MTA1: variants seen among roughly 807,000 people sequenced by gnomAD.
MTA1 encodes the protein metastasis associated 1.
In MTA1, 15 loss-of-function variants were observed where a neutral mutation model predicts 97.0. The ratio of observed to expected loss-of-function variants is 0.15; its 90% CI spans 0.10 to 0.24. MTA1 has a LOEUF of 0.24. MTA1 is among the 10% of genes least tolerant of loss of function. The pLI, the probability that MTA1 is intolerant of heterozygous loss-of-function variation, is 1.00. For synonymous variants in MTA1, 435 were observed against 417.5 expected (o/e 1.04, Z -0.51); for missense variants, 709 against 1,015.1 (o/e 0.70, Z 4.10).
chr14:105,440,315 C>T (rs587735394), intron 2 of MTA1, among the ~76,000 whole-genome samples: 38 of 152,364 alleles, frequency 2.5e-4, no homozygotes, highest in Admixed American at 3.3e-4. Flanking sequence ...CCTCAGCTGA[C>T]GCTGAACCAT....
In MTA1 at chr14:105,463,856, C is replaced by T; in HGVS notation, c.1077-176C>T. 1 of 701,864 alleles carries T rather than the reference C, an allele frequency of 1.4e-6. No homozygotes were observed. Among genetic ancestry groups the T allele is most frequent in the Admixed American group, 2.6e-5 (1 of 38,756 alleles). 43.5% of individuals were successfully genotyped at this position (701,864 alleles called of 1,614,324 possible). On this transcript the variant is annotated intron_variant, in intron 12 of 20. Coordinates refer to ENST00000331320, the MANE Select transcript of MTA1 (RefSeq NM_004689.4). The surrounding 1 kb of genome is among the most constrained non-coding windows in gnomAD (Gnocchi z 5.9). ...ACGGGGGCCTGGAGAACGGCTCAGA[C>T]CTCAGCAGTGGCTCCCAGGAACTGA... is the stretch of plus-strand genomic sequence containing the variant.
At chr14:105,458,833 G>A (rs1218576753) in intron 8 of MTA1, among the ~76,000 whole-genome samples, 1 of 152,210 alleles carries the variant, frequency 6.6e-6, no homozygotes, top group Non-Finnish European at 1.5e-5. Context: ...CAAGGCGGCT[G>A]CCAATCTATC....
At chr14:105,466,374 C>G (rs1220045081) in intron 16 of MTA1, 52 bp from the exon 17 acceptor site, 49 of 1,538,488 alleles carry the variant, frequency 3.2e-5, no homozygotes, top group Non-Finnish European at 4.2e-5. Flanking sequence ...GCCTGCCTGC[C>G]CCTCCCCTGC....
Position 105,466,488 on chromosome 14 carries a change from C to T in MTA1, c.1687C>T (p.Leu563=). The part of the protein sequence containing the change: ...VKSVSSVLSS[L]TPAKVAPVIN... ...AAGCGTGTCCAGCGTGCTCAGCAGCCTGACGCCCGCCAAGGTGGCCCCCGT... is the reference window on the plus strand; with the variant it reads ...AAGCGTGTCCAGCGTGCTCAGCAGCTTGACGCCCGCCAAGGTGGCCCCCGT... The change falls in exon 17 of 21, where the codon CTG becomes TTG. Residue 563 remains leucine, a synonymous_variant. Transcript: ENST00000331320. 2 of 1,600,596 alleles carry T rather than the reference C, an allele frequency of 1.2e-6. No individual in the cohort carries two copies. Among genetic ancestry groups the T allele is most frequent in the Non-Finnish European group, 1.7e-6 (2 of 1,174,410 alleles).
intron 15 of MTA1, 95 bp from the exon 16 acceptor site, chr14:105,464,999 G>A: frequency 2.8e-6 from 4 of 1,423,636 alleles, no homozygotes; most frequent in South Asian, 1.4e-5. Context: ...TGCTGACATG[G>A]CCGAGCCCAG....
intron 1 of MTA1, among the ~76,000 whole-genome samples, chr14:105,426,777 G>A (rs370767427): frequency 6.6e-5 from 10 of 152,234 alleles, no homozygotes; most frequent in South Asian, 2.1e-4. Context: ...TGGGCCGGGC[G>A]CGAGGCTTGC....
chr14:105,438,583 C>A, intron 1 of MTA1, 89 bp from the exon 2 acceptor site: 1 of 1,171,314 alleles, frequency 8.5e-7, no homozygotes, highest in Non-Finnish European at 1.3e-6. Context: ...CACTGCCCCG[C>A]CTGAGCCCCG....
chr14:105,442,638 C>T (rs587667434), intron 2 of MTA1, among the ~76,000 whole-genome samples: 30 of 152,242 alleles, frequency 2.0e-4, no homozygotes, highest in Admixed American at 3.3e-4. Flanking sequence ...TGTGCAGGAG[C>T]GTCTCAGAAC....
At chr14:105,444,920 T>C (rs782793464) in intron 2 of MTA1, among the ~76,000 whole-genome samples, 6 of 152,246 alleles carry the variant, frequency 3.9e-5, no homozygotes, top group Non-Finnish European at 7.3e-5. Context: ...CGTGCTTCTC[T>C]GGTGGCGTTT....
At chr14:105,465,215 A>T in intron 16 of MTA1, 32 bp downstream of exon 16, 1 of 1,479,920 alleles carries the variant, frequency 6.8e-7, no homozygotes, top group Non-Finnish European at 9.0e-7. Flanking sequence ...GGGGCTCCCA[A>T]TGCTGCCTGC....
rs782818735 is a variant in MTA1, at chr14:105,469,878, A to T, written c.1883A>T (p.Tyr628Phe). The T allele has an allele frequency of 3.1e-6, 5 of 1,610,368 alleles. No individual in the cohort carries two copies. The Admixed American group carries it at 6.7e-5, about 22-fold the overall frequency. Residue 628 changes from tyrosine (Y) to phenylalanine (F), a missense_variant, in exon 20 of 21, where the codon TAC becomes TTC. Transcript: ENST00000331320. Reference sequence around the variant, plus strand: ...AACCTCCTGCTCAACGGGAAGTCCTACCCCACCAAAGTGCGCCTGATCCGG... The same window carrying T: ...AACCTCCTGCTCAACGGGAAGTCCTTCCCCACCAAAGTGCGCCTGATCCGG... ...SRNLLLNGKS[Y>F]PTKVRLIRGG...
Position 105,463,949 on chromosome 14 carries a change from T to C in MTA1, c.1077-83T>C, listed in dbSNP as rs1555431685. On this transcript the variant is annotated intron_variant, in intron 12 of 20. Coordinates refer to ENST00000331320, the MANE Select transcript of MTA1 (RefSeq NM_004689.4). This position sits in a 1 kb window ranked among gnomAD's most constrained non-coding sequence, Gnocchi z 5.9. ...GGACGTGGTTCTGGACAAGGGGTGGTCAGCCGCGGTGCCTGCTGGGCACAT... is the reference window on the plus strand; with the variant it reads ...GGACGTGGTTCTGGACAAGGGGTGGCCAGCCGCGGTGCCTGCTGGGCACAT... 7.4e-7 allele frequency: 1 copy of C among 1,350,314 alleles called. No individual in the cohort carries two copies. The allele number at this position is 1,350,314 out of a possible 1,614,324, so 83.6% of individuals were successfully genotyped here.
intron 2 of MTA1, among the ~76,000 whole-genome samples, chr14:105,439,402 G>A (rs996078856): frequency 6.6e-6 from 1 of 152,204 alleles, no homozygotes; most frequent in African/African-American, 2.4e-5. Flanking sequence ...GATCCTTCCT[G>A]GGGGGTGGTG....
At chr14:105,464,174 CA>C in intron 13 of MTA1, 27 bp downstream of exon 13, 1 of 1,590,266 alleles carries the variant, frequency 6.3e-7, no homozygotes, top group African/African-American at 1.4e-5. Flanking sequence ...GCCGGGGGCA[CA>C]CCGCACGCCC....
chr14:105,453,666 C>G (rs1195203216), intron 6 of MTA1, among the ~76,000 whole-genome samples: 1 of 152,130 alleles, frequency 6.6e-6, no homozygotes, highest in Non-Finnish European at 1.5e-5. Context: ...AAAATATTAG[C>G]TAGGTGTGGT....
rs767037775 is a variant in MTA1 at position 105,422,048 on chromosome 14, C to T, written c.28+1985C>T. 1.1e-4 allele frequency among the ~76,000 whole-genome samples: 17 copies of T among 152,316 alleles called. No homozygotes were observed. The highest frequency in any genetic ancestry group is 1.6e-4 in the Non-Finnish European group (11 of 68,022). On this transcript the variant is annotated intron_variant, in intron 1 of 20. Transcript: ENST00000331320. The surrounding 1 kb of genome is among the most constrained non-coding windows in gnomAD (Gnocchi z 4.3). ...GCTGTCTGCTGGCAGCACAGCCACG[C>T]GTGGGATCCAGACTGCTTCTGCGTG... is the stretch of plus-strand genomic sequence containing the variant.
chr14:105,437,294 C>T (rs782376220), intron 1 of MTA1, among the ~76,000 whole-genome samples: 1 of 139,746 alleles, frequency 7.2e-6, no homozygotes, highest in African/African-American at 2.7e-5. Flanking sequence ...CCTGCAGGTG[C>T]GTCCTCATGG....
At chr14:105,445,731 C>T (rs1384971143) in intron 3 of MTA1, 15 of 669,232 alleles carry the variant, frequency 2.2e-5, no homozygotes, top group Admixed American at 6.2e-5. Flanking sequence ...GCACGCCCCC[C>T]GGAGTGGTCT....
chr14:105,449,367 G>A lies in MTA1; in HGVS notation c.199G>A (p.Val67Ile), dbSNP rs1555427985. ...GTCTGTCTGTTATATAGCCCTGTCA[G>A]TCTGCTATAAGGCCGGACCGGGGGC... is the stretch of plus-strand genomic sequence containing the variant. Reference protein sequence around the residue: ...ALADKHATLSVCYKAGPGADN... With the variant: ...ALADKHATLSICYKAGPGADN... The change falls in exon 4 of 21, where the codon GTC becomes ATC. Residue 67 changes from valine (V) to isoleucine (I), a missense_variant. By Grantham distance (29) the Val-to-Ile change is conservative. Transcript: ENST00000331320. 6.2e-7 allele frequency: 1 copy of A among 1,612,500 alleles called. No homozygotes were observed. The highest frequency in any genetic ancestry group is 1.1e-5 in the South Asian group (1 of 90,910).
Sources: allele counts gnomAD v4.1 joint callset (sites outside exome capture counted in the v4.1 genomes callset), GRCh38; gene constraint gnomAD v4.1.1; non-coding constraint Gnocchi (gnomAD v3.1); transcripts MANE v1.5; gene names NCBI Gene and HGNC (gene_info 2026-07-23, HGNC 2026-07-21).